Variants in GATAD1 observed in about 807,000 individuals in gnomAD.
The protein encoded by GATAD1 is GATA zinc finger domain-containing protein 1.
Under a neutral mutation model 26.5 loss-of-function variants are expected in GATAD1, and 12 were observed. That is an observed-to-expected ratio of 0.45 (90% CI 0.29 to 0.73). The LOEUF (loss-of-function observed/expected upper bound fraction) is 0.73, where lower values mean the gene tolerates loss of function less well. Ranked by LOEUF, GATAD1 falls within the 30% of genes least tolerant of loss-of-function variation. The probability of loss-of-function intolerance (pLI) is 0.10; values close to 1 mark genes in which losing one functional copy is unlikely to be tolerated. For synonymous variants in GATAD1, 129 were observed against 133.1 expected (o/e 0.97, Z 0.21); for missense variants, 266 against 342.1 (o/e 0.78, Z 1.75).
the GATAD1 span, among the ~76,000 whole-genome samples, chr7:92,483,857 G>C: frequency 6.6e-6 from 1 of 152,134 alleles, no homozygotes; most frequent in African/African-American, 2.4e-5. Context: ...TTGGGACCTG[G>C]CTCGGCCTGG....
chr7:92,450,826 G>A, intron 3 of GATAD1, 66 bp downstream of exon 3: 2 of 953,908 alleles, frequency 2.1e-6, no homozygotes, highest in South Asian at 1.3e-5. Context: ...CTAAAATGTT[G>A]GATTAGTCTA....
intron 3 of GATAD1, among the ~76,000 whole-genome samples, chr7:92,453,644 T>G (rs781635160): frequency 6.6e-6 from 1 of 152,190 alleles, no homozygotes; most frequent in Non-Finnish European, 1.5e-5. Context: ...ATCCAAAGAT[T>G]ATTTTTGGTT....
chr7:92,486,028 G>A, the GATAD1 span, among the ~76,000 whole-genome samples: 15 of 152,264 alleles, frequency 9.9e-5, no homozygotes, highest in East Asian at 3.9e-4. Context: ...GATGTCAATC[G>A]GCTGTCTTTT....
At chr7:92,462,487 C>A (rs1169430859), downstream of GATAD1, among the ~76,000 whole-genome samples, 3 of 151,978 alleles carry the variant, frequency 2.0e-5, no homozygotes, top group Non-Finnish European at 2.9e-5. Flanking sequence ...ATTCTTTATG[C>A]TTTTAAAAAT....
At chr7:92,448,727 G>T (rs1304725354) in intron 1 of GATAD1, 25 bp from the exon 2 acceptor site, 3 of 1,597,864 alleles carry the variant, frequency 1.9e-6, no homozygotes, top group Admixed American at 1.7e-5. Flanking sequence ...TTCTCTTTTT[G>T]TTCTTTAATT....
At chr7:92,489,482 T>G in the GATAD1 span, 1 of 1,462,846 alleles carries the variant, frequency 6.8e-7, no homozygotes, top group Non-Finnish European at 9.5e-7. Flanking sequence ...AAAAATGTGG[T>G]AGTCCAGTTG....
At chr7:92,451,154 G>A (rs1179573670) in intron 3 of GATAD1, among the ~76,000 whole-genome samples, 1 of 152,210 alleles carries the variant, frequency 6.6e-6, no homozygotes, top group Non-Finnish European at 1.5e-5. Flanking sequence ...TGTCAAATGG[G>A]TAGAGTAGGC....
the GATAD1 span, among the ~76,000 whole-genome samples, chr7:92,475,680 C>T: frequency 6.6e-6 from 1 of 152,052 alleles, no homozygotes; most frequent in African/African-American, 2.4e-5. Context: ...TTCTTGACCA[C>T]AAAGAAAGGG....
chr7:92,467,666 C>A, the GATAD1 span, among the ~76,000 whole-genome samples: 3 of 152,202 alleles, frequency 2.0e-5, no homozygotes, highest in African/African-American at 7.2e-5. Flanking sequence ...CAGGCCCAGG[C>A]TCCCTTAGGA....
chr7:92,448,080 C>CAGCAG, intron 1 of GATAD1, 102 bp downstream of exon 1: 2 of 876,380 alleles, frequency 2.3e-6, no homozygotes, highest in Non-Finnish European at 3.0e-6. Flanking sequence ...CCCCGATCGC[C>CAGCAG]GTGCTCCTGC....
At chr7:92,488,481 G>C in the GATAD1 span, among the ~76,000 whole-genome samples, 1 of 152,112 alleles carries the variant, frequency 6.6e-6, no homozygotes, top group Non-Finnish European at 1.5e-5. Flanking sequence ...ATGGTTCCCA[G>C]TCCATGGGTC....
At chr7:92,456,200 C>T (rs1359840402) in intron 4 of GATAD1, among the ~76,000 whole-genome samples, 172 bp from the exon 5 acceptor site, 9 of 151,932 alleles carry the variant, frequency 5.9e-5, no homozygotes, top group African/African-American at 9.7e-5. Context: ...TTCTTTAAGC[C>T]GTTAAAGAAG....
the GATAD1 span, among the ~76,000 whole-genome samples, chr7:92,480,766 A>G: frequency 3.3e-5 from 5 of 152,202 alleles, no homozygotes; most frequent in South Asian, 2.1e-4. Context: ...CCTTATCAGC[A>G]TAAGCATTTC....
intron 3 of GATAD1, among the ~76,000 whole-genome samples, chr7:92,453,356 G>A (rs1789521535): frequency 6.6e-6 from 1 of 152,176 alleles, no homozygotes; most frequent in Non-Finnish European, 1.5e-5. Context: ...ACCATTATGG[G>A]TGTTCAGAGG....
chr7:92,466,150 G>A, the GATAD1 span, among the ~76,000 whole-genome samples: 2 of 152,182 alleles, frequency 1.3e-5, no homozygotes, highest in Non-Finnish European at 2.9e-5. Flanking sequence ...TAGTGAAGGT[G>A]TGAGTGAAAA....
chr7:92,481,373 A>G, the GATAD1 span, among the ~76,000 whole-genome samples: 2 of 152,180 alleles, frequency 1.3e-5, no homozygotes, highest in Admixed American at 6.5e-5. Context: ...AGCAGAAAGT[A>G]TATGCGTCAG....
chr7:92,486,148 A>G, the GATAD1 span, among the ~76,000 whole-genome samples: 1 of 152,312 alleles, frequency 6.6e-6, no homozygotes, highest in East Asian at 1.9e-4. Context: ...CAACCCAGCT[A>G]TATTGACAGC....
the GATAD1 span, chr7:92,490,192 GA>G: frequency 1.5e-5 from 6 of 412,386 alleles, no homozygotes; most frequent in Admixed American, 2.4e-4. Context: ...AATGCCCAAG[GA>G]CAGGTTTCTT....
At chr7:92,465,574 C>A in the GATAD1 span, among the ~76,000 whole-genome samples, 1 of 151,266 alleles carries the variant, frequency 6.6e-6, no homozygotes, top group Non-Finnish European at 1.5e-5. Context: ...GCCAAGATCA[C>A]GCCATTGCAC....
Sources: allele counts gnomAD v4.1 joint callset (sites outside exome capture counted in the v4.1 genomes callset), GRCh38; gene constraint gnomAD v4.1.1; transcripts MANE v1.5; gene names NCBI Gene and HGNC (gene_info 2026-07-23, HGNC 2026-07-21).